The following ZFAND3 variants were observed in gnomAD, a reference collection of about 807,000 sequenced individuals.
ZFAND3 encodes the protein AN1-type zinc finger protein 3.
ZFAND3 carries 10 observed loss-of-function variants against 29.6 expected under a neutral mutation model. The observed-to-expected ratio is 0.34, with a 90% confidence interval of 0.21 to 0.57. The LOEUF is 0.57. Among genes scored for constraint, ZFAND3 ranks in the 20% least tolerant of loss-of-function variants. ZFAND3 has a pLI of 0.86. For synonymous variants in ZFAND3, 128 were observed against 112.6 expected (o/e 1.14, Z -0.87); for missense variants, 230 against 304.5 (o/e 0.76, Z 1.82).
rs557621083 is a variant in ZFAND3 at position 37,993,247 on chromosome 6, G to A, written c.112+63248G>A. ...TGTTTTTGTCTCCTTTATGTGACAT[G>A]ATGAAACCATAGAGCTAAAAATACA... On this transcript the variant is annotated intron_variant, in intron 2 of 5. Coordinates refer to ENST00000287218, the MANE Select transcript of ZFAND3 (RefSeq NM_021943.3). Among the ~76,000 whole-genome samples, 467 of 152,148 alleles carry A rather than the reference G, an allele frequency of 3.1e-3. 2 individuals are homozygous for A. The highest frequency in any genetic ancestry group is 0.011 in the African/African-American group (445 of 41,520).
chr6:38,087,133 CAT>C (rs1266912382), intron 4 of ZFAND3, among the ~76,000 whole-genome samples: 1 of 152,192 alleles, frequency 6.6e-6, no homozygotes, highest in Non-Finnish European at 1.5e-5. Flanking sequence ...ACTGGATACT[CAT>C]GTGCAGAAGT....
intron 5 of ZFAND3, among the ~76,000 whole-genome samples, chr6:38,148,952 G>C (rs1238399386): frequency 1.3e-5 from 2 of 152,128 alleles, no homozygotes; most frequent in South Asian, 2.1e-4. Context: ...TAGCCCTCCA[G>C]AGTTTCCCCC....
chr6:37,848,859 A>G (rs552880201), intron 1 of ZFAND3, among the ~76,000 whole-genome samples: 2 of 152,172 alleles, frequency 1.3e-5, no homozygotes, highest in Non-Finnish European at 2.9e-5. Context: ...GCTGAAGACA[A>G]TTATAGACAG....
intron 1 of ZFAND3, among the ~76,000 whole-genome samples, chr6:37,877,620 G>A (rs1764817375): frequency 6.6e-6 from 1 of 152,202 alleles, no homozygotes; most frequent in Non-Finnish European, 1.5e-5. Context: ...ACTTACTGAG[G>A]TGGGAGGATC....
At chr6:38,011,569 C>A (rs1486702200) in intron 2 of ZFAND3, among the ~76,000 whole-genome samples, 3 of 151,910 alleles carry the variant, frequency 2.0e-5, no homozygotes, top group Non-Finnish European at 4.4e-5. Flanking sequence ...ATTTTCATTT[C>A]CTTTTGGTTT....
intron 5 of ZFAND3, among the ~76,000 whole-genome samples, chr6:38,122,326 C>A (rs1160310471): frequency 1.3e-5 from 2 of 152,198 alleles, no homozygotes; most frequent in Non-Finnish European, 2.9e-5. Context: ...TAAATTGTTA[C>A]ATGCTGTGTT....
At chr6:38,073,869 G>A (rs572498700) in intron 3 of ZFAND3, among the ~76,000 whole-genome samples, 3 of 152,230 alleles carry the variant, frequency 2.0e-5, no homozygotes, top group East Asian at 1.9e-4. Flanking sequence ...TCTTACATAC[G>A]TAGCAGAAAT....
intron 1 of ZFAND3, among the ~76,000 whole-genome samples, chr6:37,912,510 C>CA (rs1765541606): frequency 6.6e-6 from 1 of 152,128 alleles, no homozygotes; most frequent in South Asian, 2.1e-4. Flanking sequence ...CATGATAGTA[C>CA]AAAGTATCCC....
intron 1 of ZFAND3, among the ~76,000 whole-genome samples, chr6:37,851,403 A>T (rs1764278225): frequency 6.6e-6 from 1 of 152,166 alleles, no homozygotes; most frequent in Admixed American, 6.5e-5. Context: ...CCCACCAAAA[A>T]AGGATAAGTT....
chr6:38,137,795 A>G (rs1052991500), intron 5 of ZFAND3, among the ~76,000 whole-genome samples: 9 of 152,154 alleles, frequency 5.9e-5, no homozygotes, highest in Admixed American at 5.9e-4. Context: ...AGTGCCCTAG[A>G]CAGAACAAAG....
intron 3 of ZFAND3, among the ~76,000 whole-genome samples, chr6:38,062,933 A>AT (rs1350603556): frequency 6.6e-6 from 1 of 152,072 alleles, no homozygotes; most frequent in Non-Finnish European, 1.5e-5. Flanking sequence ...CCAAAAAAAA[A>AT]AAAAAATTAG....
intron 1 of ZFAND3, among the ~76,000 whole-genome samples, chr6:37,838,272 C>G (rs1214757408): frequency 6.6e-6 from 1 of 152,124 alleles, no homozygotes; most frequent in Non-Finnish European, 1.5e-5. Flanking sequence ...TTGTTTTGTT[C>G]CTCAAATTTT....
At position 38,017,588 on chromosome 6, in the gene ZFAND3, C is replaced by T. The variant is rs1380011048; in HGVS notation, c.113-44005C>T. ...TAAACTGTAAACAATGTTCTTAAAG[C>T]GGTAAAGGGAATATACATTTTTAGA... On this transcript the variant is annotated intron_variant, in intron 2 of 5. Transcript: ENST00000287218. Among the ~76,000 whole-genome samples the T allele has an allele frequency of 3.3e-5, 5 of 151,882 alleles. 1 individual carries two copies. The South Asian group carries it at 6.2e-4, about 19-fold the overall frequency.
chr6:37,865,839 C>T lies in ZFAND3; in HGVS notation c.71+45823C>T, dbSNP rs562189431. 1.2e-4 allele frequency among the ~76,000 whole-genome samples: 18 copies of T among 152,246 alleles called. No individual in the cohort carries two copies. The South Asian group carries it at 1.2e-3, about 11-fold the overall frequency. ...GTCCGTAGGTAGGTTGCAAGTCGAA[C>T]GGTAGGTGCAAAAGTGCAAAAACTT... On this transcript the variant is annotated intron_variant, in intron 1 of 5. Coordinates refer to ENST00000287218, the MANE Select transcript of ZFAND3 (RefSeq NM_021943.3).
intron 2 of ZFAND3, among the ~76,000 whole-genome samples, chr6:37,967,541 A>G (rs1762314331): frequency 1.3e-5 from 2 of 152,132 alleles, no homozygotes; most frequent in African/African-American, 4.8e-5. Flanking sequence ...CTACTTCCAG[A>G]TCCTCTCAGT....
chr6:37,967,860 C>G (rs536234205), intron 2 of ZFAND3, among the ~76,000 whole-genome samples: 6 of 152,236 alleles, frequency 3.9e-5, no homozygotes, highest in African/African-American at 1.4e-4. Context: ...GACACTTCCC[C>G]TTTTTTGATG....
At chr6:38,119,740 C>T (rs141806535) in intron 5 of ZFAND3, among the ~76,000 whole-genome samples, 54 of 152,346 alleles carry the variant, frequency 3.5e-4, no homozygotes, top group South Asian at 3.5e-3. Context: ...GAGGCCTTCT[C>T]TAAAAATTCC....
chr6:37,976,128 C>G (rs1036164315), intron 2 of ZFAND3, among the ~76,000 whole-genome samples: 6 of 152,110 alleles, frequency 3.9e-5, no homozygotes, highest in African/African-American at 1.2e-4. Context: ...ATTGTTGATG[C>G]TACTTTAAAG....
chr6:38,043,425 C>G (rs1763832111), intron 2 of ZFAND3, among the ~76,000 whole-genome samples: 1 of 147,840 alleles, frequency 6.8e-6, no homozygotes, highest in Admixed American at 6.8e-5. Context: ...TTTCTCTTCT[C>G]TCCCCTTCTC....
Sources: allele counts gnomAD v4.1 joint callset (sites outside exome capture counted in the v4.1 genomes callset), GRCh38; gene constraint gnomAD v4.1.1; transcripts MANE v1.5; gene names NCBI Gene and HGNC (gene_info 2026-07-23, HGNC 2026-07-21).